CTNNA2: variants seen among roughly 807,000 people sequenced by gnomAD.
The protein encoded by CTNNA2 is catenin alpha 2.
Under a neutral mutation model 101.0 loss-of-function variants are expected in CTNNA2, and 42 were observed. The ratio of observed to expected loss-of-function variants is 0.42; its 90% CI spans 0.32 to 0.54. CTNNA2 has a LOEUF of 0.54. Ranked by LOEUF, CTNNA2 falls within the 20% of genes least tolerant of loss-of-function variation. The pLI is 0.14. For synonymous variants in CTNNA2, 450 were observed against 456.4 expected (o/e 0.99, Z 0.18); for missense variants, 871 against 1,223.1 (o/e 0.71, Z 4.29).
At chr2:80,019,199 G>A (rs1244299755) in intron 7 of CTNNA2, among the ~76,000 whole-genome samples, 1 of 152,124 alleles carries the variant, frequency 6.6e-6, no homozygotes, top group Non-Finnish European at 1.5e-5. Flanking sequence ...GTATCTGAGT[G>A]GGGGTCCTGG....
intron 5 of CTNNA2, among the ~76,000 whole-genome samples, chr2:79,507,826 A>G (rs1671446926): frequency 6.6e-6 from 1 of 152,304 alleles, no homozygotes; most frequent in Non-Finnish European, 1.5e-5. Flanking sequence ...GGGAAATGCT[A>G]CACATATTTC....
intron 9 of CTNNA2, among the ~76,000 whole-genome samples, chr2:80,520,303 C>T (rs528263119): frequency 3.4e-4 from 52 of 151,854 alleles, no homozygotes; most frequent in African/African-American, 1.2e-3. Flanking sequence ...CTGTGCCATC[C>T]CCTTTTCATT....
Position 79,853,318 on chromosome 2 carries a change from T to A in CTNNA2, c.299-4695T>A, listed in dbSNP as rs563265979. 3.6e-3 allele frequency among the ~76,000 whole-genome samples: 548 copies of A among 152,252 alleles called. 4 individuals are homozygous for A. The highest frequency in any genetic ancestry group is 0.013 in the African/African-American group (528 of 41,550). On this transcript the variant is annotated intron_variant, in intron 3 of 18. Coordinates refer to ENST00000402739, the MANE Select transcript of CTNNA2 (RefSeq NM_001282597.3). ...ACCCTGGCAATTTGATTTTTAAATT[T>A]TTTTTGTAGAGATAGGGTCTCACTA...
chr2:80,152,152 T>C (rs895879729), intron 7 of CTNNA2, among the ~76,000 whole-genome samples: 1 of 152,216 alleles, frequency 6.6e-6, no homozygotes, highest in Non-Finnish European at 1.5e-5. Flanking sequence ...CTTTCTAGAC[T>C]GTGGTTTCAT....
chr2:79,378,126 C>T (rs1677999661), intron 4 of CTNNA2, among the ~76,000 whole-genome samples: 1 of 152,054 alleles, frequency 6.6e-6, no homozygotes, highest in African/African-American at 2.4e-5. Flanking sequence ...TATTCCTACA[C>T]ACTATGATGA....
chr2:80,238,490 TGAG>T (rs780460461), intron 7 of CTNNA2, among the ~76,000 whole-genome samples: 11 of 152,120 alleles, frequency 7.2e-5, no homozygotes, highest in Non-Finnish European at 1.2e-4. Flanking sequence ...GGAAAGGGAA[TGAG>T]GAGGAGAAGT....
At chr2:79,836,005 C>G (rs541641069) in intron 3 of CTNNA2, among the ~76,000 whole-genome samples, 3 of 152,170 alleles carry the variant, frequency 2.0e-5, no homozygotes, top group African/African-American at 7.2e-5. Context: ...TGCCCTAGCA[C>G]CATTTCTAGT....
At chr2:80,012,983 A>G (rs1693890401) in intron 7 of CTNNA2, among the ~76,000 whole-genome samples, 1 of 152,082 alleles carries the variant, frequency 6.6e-6, no homozygotes, top group African/African-American at 2.4e-5. Flanking sequence ...GGGCAACATA[A>G]TGAGACTCTG....
chr2:80,322,107 A>T (rs2149247566), intron 7 of CTNNA2, among the ~76,000 whole-genome samples: 1 of 152,270 alleles, frequency 6.6e-6, no homozygotes, highest in South Asian at 2.1e-4. Flanking sequence ...GAACTACTTT[A>T]TCAAAACATT....
chr2:80,178,125 A>C (rs960540251), intron 7 of CTNNA2, among the ~76,000 whole-genome samples: 1 of 152,216 alleles, frequency 6.6e-6, no homozygotes, highest in African/African-American at 2.4e-5. Context: ...GGGGGAGAGA[A>C]GACAAGGTGG....
intron 7 of CTNNA2, among the ~76,000 whole-genome samples, chr2:80,386,002 G>A (rs1676960709): frequency 6.6e-6 from 1 of 152,148 alleles, no homozygotes; most frequent in African/African-American, 2.4e-5. Flanking sequence ...TTGATGGGGG[G>A]ATGAGAACAG....
intron 2 of CTNNA2, among the ~76,000 whole-genome samples, chr2:79,667,758 A>T (rs13394943): frequency 1.3e-5 from 2 of 152,100 alleles, no homozygotes; most frequent in Non-Finnish European, 2.9e-5. Flanking sequence ...CAATCCTAGC[A>T]TACTGAGTGG....
chr2:80,025,339 C>T (rs935451664), intron 7 of CTNNA2, among the ~76,000 whole-genome samples: 6 of 152,124 alleles, frequency 3.9e-5, no homozygotes, highest in East Asian at 3.9e-4. Context: ...TGCCTCCTGT[C>T]GGTATCAGAG....
chr2:79,528,911 A>T (rs62141443), intron 1 of CTNNA2, among the ~76,000 whole-genome samples: 10,843 of 152,210 alleles, frequency 0.071, 540 homozygotes, highest in Non-Finnish European at 0.1. Flanking sequence ...AATGGTATAT[A>T]GCGGGAAAGT....
chr2:79,623,641 G>A (rs1411586802), intron 1 of CTNNA2, among the ~76,000 whole-genome samples: 1 of 152,086 alleles, frequency 6.6e-6, no homozygotes, highest in Non-Finnish European at 1.5e-5. Context: ...TATTCAAATT[G>A]TTAGAATATA....
intron 2 of CTNNA2, among the ~76,000 whole-genome samples, chr2:79,245,030 G>T (rs1674681518): frequency 6.6e-6 from 1 of 151,684 alleles, no homozygotes. Context: ...GGGAGGCGGA[G>T]TTTGCAGTGA....
chr2:79,693,151 A>G (rs796983661), intron 2 of CTNNA2, among the ~76,000 whole-genome samples: 47 of 152,140 alleles, frequency 3.1e-4, no homozygotes, highest in African/African-American at 1.1e-3. Context: ...CCCTGATATA[A>G]ATTTTTACAC....
intron 9 of CTNNA2, among the ~76,000 whole-genome samples, chr2:80,473,765 A>G (rs1039532488): frequency 6.6e-6 from 1 of 152,180 alleles, no homozygotes; most frequent in African/African-American, 2.4e-5. Flanking sequence ...AAATATCTCT[A>G]GAGAATAGAT....
intron 7 of CTNNA2, among the ~76,000 whole-genome samples, chr2:80,314,245 G>A (rs1677884077): frequency 6.6e-6 from 1 of 152,128 alleles, no homozygotes; most frequent in Non-Finnish European, 1.5e-5. Context: ...GGAATAACAG[G>A]ACCTTGTGTT....
Sources: allele counts gnomAD v4.1 joint callset (sites outside exome capture counted in the v4.1 genomes callset), GRCh38; gene constraint gnomAD v4.1.1; transcripts MANE v1.5; gene names NCBI Gene and HGNC (gene_info 2026-07-23, HGNC 2026-07-21).